Variants in WEE1 observed in about 807,000 individuals in gnomAD.
WEE1 encodes the protein wee1-like protein kinase.
In WEE1, 16 loss-of-function variants were observed where a neutral mutation model predicts 68.8. The ratio of observed to expected loss-of-function variants is 0.23; its 90% CI spans 0.16 to 0.35. The LOEUF (loss-of-function observed/expected upper bound fraction) is 0.35, where lower values mean the gene tolerates loss of function less well. WEE1 is among the 10% of genes least tolerant of loss of function. WEE1 has a pLI of 1.00. For synonymous variants in WEE1, 349 were observed against 318.7 expected (o/e 1.09, Z -1.01); for missense variants, 651 against 824.1 (o/e 0.79, Z 2.57).
chr11:9,585,581 TAGA>T, intron 8 of WEE1, 54 bp downstream of exon 8: 1 of 1,330,582 alleles, frequency 7.5e-7, no homozygotes. Flanking sequence ...TAGCAGTTGA[TAGA>T]AGAATATAAA....
rs753859170 is a variant in WEE1, at chr11:9,576,032, G to T, written c.721G>T (p.Asp241Tyr). 4.3e-6 allele frequency: 7 copies of T among 1,614,052 alleles called. No individual in the cohort carries two copies. The highest frequency in any genetic ancestry group is 1.7e-5 in the Admixed American group (1 of 59,998). The stretch of plus-strand genomic sequence containing the variant: ...AGTGAATATTAATCCTTTTACTCCG[G>T]ATTCTTTGTTGCTTCATTCCTCAGG... The part of the protein sequence containing the change: ...PQVNINPFTP[D>Y]SLLLHSSGQC... Residue 241 changes from aspartate to tyrosine, a missense_variant, in exon 2 of 11, where the codon GAT becomes TAT. By Grantham distance (160) the Asp-to-Tyr change is radical (BLOSUM62 -3). Transcript: ENST00000450114. The surrounding 1 kb of genome is among the most constrained non-coding windows in gnomAD (Gnocchi z 4.3).
In WEE1 at chr11:9,576,062, TGTC is replaced by T; in HGVS notation, c.757_759del (p.Arg254del). The T allele has an allele frequency of 6.2e-7, 1 of 1,614,198 alleles. No individual in the cohort carries two copies. Among genetic ancestry groups the T allele is most frequent in the Non-Finnish European group, 8.5e-7 (1 of 1,180,026 alleles). On this transcript the variant is annotated inframe_deletion, in exon 2 of 11. Transcript: ENST00000450114. The surrounding 1 kb of genome is among the most constrained non-coding windows in gnomAD (Gnocchi z 4.3). Reference sequence around the variant, plus strand: ...TTTGTTGCTTCATTCCTCAGGACAGTGTCGTCGTAGAAAGAGAACGTATTGGAA... The same window carrying T: ...TTTGTTGCTTCATTCCTCAGGACAGTGTCGTAGAAAGAGAACGTATTGGAA...
chr11:9,578,879 T>TTGTTTTTA (rs1554975016), intron 5 of WEE1: 1 of 142,168 alleles, frequency 7.0e-6, no homozygotes, highest in South Asian at 2.2e-4. Context: ...GAAAATAAGT[T>TTGTTTTTA]TTTATTTATT....
Position 9,588,557 on chromosome 11 carries a change from TATTGGA to T in WEE1, c.1898_1903del (p.Ile633_Gly634del). ...CCCAGAGTAATAGAACATCTCGACTTATTGGAAAGAAAATGAACCGCTCTGTCAGCC... is the reference window on the plus strand; with the variant it reads ...CCCAGAGTAATAGAACATCTCGACTTAAGAAAATGAACCGCTCTGTCAGCC... On this transcript the variant is annotated inframe_deletion, in exon 11 of 11. Coordinates refer to ENST00000450114, the MANE Select transcript of WEE1 (RefSeq NM_003390.4). 1 of 1,610,642 alleles carries T rather than the reference TATTGGA, an allele frequency of 6.2e-7. No homozygotes were observed. Among genetic ancestry groups the T allele is most frequent in the Non-Finnish European group, 8.5e-7 (1 of 1,179,206 alleles).
rs1849530186 is a variant in WEE1, at chr11:9,573,751, C to T, written c.-183C>T. 3.5e-6 allele frequency: 1 copy of T among 289,648 alleles called. No homozygotes were observed. The highest frequency in any genetic ancestry group is 5.6e-6 in the Non-Finnish European group (1 of 179,484). 17.9% of individuals were successfully genotyped at this position (289,648 alleles called of 1,614,324 possible). ...CCCGCCTCTGCCGGAAAGTCCGCGC[C>T]GCCGCTGCCGCCACCGTCCGCAGCC... is the stretch of plus-strand genomic sequence containing the variant. On this transcript the variant is annotated 5_prime_UTR_variant, in exon 1 of 11. Transcript: ENST00000450114.
At position 9,589,790 on chromosome 11, in the gene WEE1, ATAT is replaced by A. The variant is rs1416321048; in HGVS notation, c.*1190_*1192del. 9.6e-6 allele frequency: 8 copies of A among 830,844 alleles called. No individual in the cohort carries two copies. The highest frequency in any genetic ancestry group is 1.2e-5 in the Non-Finnish European group (8 of 688,902). The allele number at this position is 830,844 out of a possible 1,614,324, so 51.5% of individuals were successfully genotyped here. On this transcript the variant is annotated 3_prime_UTR_variant, in exon 11 of 11. Coordinates refer to ENST00000450114, the MANE Select transcript of WEE1 (RefSeq NM_003390.4). The stretch of plus-strand genomic sequence containing the variant: ...AAATCCTTGTGATGCCTGTTTTCTA[ATAT>A]TTTATCTCTATTATTGCTATACTAT...
Position 9,574,894 on chromosome 11 carries a change from A to G in WEE1, c.576+385A>G. On this transcript the variant is annotated intron_variant, in intron 1 of 10. Transcript: ENST00000450114. The surrounding 1 kb of genome is among the most constrained non-coding windows in gnomAD (Gnocchi z 4.9). Reference sequence around the variant, plus strand: ...ACTCCCGAGCCATAGGATGCCTTTTAAACGCGGCGATCGGGCCTGTAATTT... The same window carrying G: ...ACTCCCGAGCCATAGGATGCCTTTTGAACGCGGCGATCGGGCCTGTAATTT... The G allele has an allele frequency of 4.1e-6, 4 of 986,728 alleles. No homozygotes were observed. The highest frequency in any genetic ancestry group is 4.8e-6 in the Non-Finnish European group (4 of 830,854). 61.1% of individuals were successfully genotyped at this position (986,728 alleles called of 1,614,324 possible).
At chr11:9,579,379 G>A (rs972540772) in intron 5 of WEE1, 1 of 152,050 alleles carries the variant, frequency 6.6e-6, no homozygotes, top group East Asian at 1.9e-4. Context: ...CAGTTTCACT[G>A]GAAAAGGATT....
rs1849629577 is a variant in WEE1 at position 9,581,686 on chromosome 11, T to C, written c.1288+8T>C. ...ACATGGATATAAAACCTAGTAAGTA[T>C]TGCAGATCTTCTGACCTGTGTTCTT... On this transcript the variant is annotated splice_region_variant and intron_variant, in intron 6 of 10. Transcript: ENST00000450114. 6.2e-7 allele frequency: 1 copy of C among 1,607,934 alleles called. No individual in the cohort carries two copies. Among genetic ancestry groups the C allele is most frequent in the Non-Finnish European group, 8.5e-7 (1 of 1,178,544 alleles).
chr11:9,586,987 A>T, intron 10 of WEE1, 131 bp downstream of exon 10: 1 of 1,028,516 alleles, frequency 9.7e-7, no homozygotes, highest in Non-Finnish European at 1.4e-6. Context: ...TTTTTGAGAC[A>T]GGGTCTCACT....
intron 8 of WEE1, 73 bp downstream of exon 8, chr11:9,585,600 A>C: frequency 1.6e-6 from 2 of 1,244,690 alleles, no homozygotes; most frequent in Non-Finnish European, 2.2e-6. Context: ...ATAAATTCAG[A>C]TATATTAAAC....
At chr11:9,583,262 G>A (rs758306105) in intron 6 of WEE1, among the ~76,000 whole-genome samples, 2 of 151,484 alleles carry the variant, frequency 1.3e-5, no homozygotes, top group Admixed American at 6.6e-5. Flanking sequence ...GCAGTGAGCC[G>A]AGATTGCACC....
At position 9,583,782 on chromosome 11, in the gene WEE1, CACACACACACACACACACACATATAT is replaced by C. The variant is rs1849661746; in HGVS notation, c.1289-1474_1289-1449del. On this transcript the variant is annotated intron_variant, in intron 6 of 10. Coordinates refer to ENST00000450114, the MANE Select transcript of WEE1 (RefSeq NM_003390.4). ...GCGCGCACACACACACACACACACA[CACACACACACACACACACACATATAT>C]ATATATATATATATATATATATATA... Among the ~76,000 whole-genome samples the C allele has an allele frequency of 1.6e-4, 5 of 31,900 alleles. No individual in the cohort carries two copies. The East Asian group carries it at 2.8e-3, about 18-fold the overall frequency. The allele number at this position is 31,900 out of a possible 152,430, so 20.9% of individuals were successfully genotyped here.
chr11:9,575,414 G>C lies in WEE1; in HGVS notation c.577-474G>C, dbSNP rs908389747. ...GTTTTCAATGTACTGTTTGTCATCAGCCTAGGCAATCTGTGTGCTTTCGAG... is the reference window on the plus strand; with the variant it reads ...GTTTTCAATGTACTGTTTGTCATCACCCTAGGCAATCTGTGTGCTTTCGAG... On this transcript the variant is annotated intron_variant, in intron 1 of 10. Transcript: ENST00000450114. The C allele has an allele frequency of 3.0e-6, 3 of 998,224 alleles. No homozygotes were observed. The African/African-American group carries it at 5.2e-5, about 17-fold the overall frequency. The allele number at this position is 998,224 out of a possible 1,614,324, so 61.8% of individuals were successfully genotyped here.
intron 6 of WEE1, among the ~76,000 whole-genome samples, chr11:9,583,802 C>CACACATAT (rs1295357946): frequency 1.7e-4 from 3 of 17,824 alleles, no homozygotes; most frequent in Non-Finnish European, 2.0e-4. Flanking sequence ...CACACACACA[C>CACACATAT]ATATATATAT....
intron 8 of WEE1, among the ~76,000 whole-genome samples, chr11:9,585,817 AT>A (rs1849693791): frequency 6.6e-6 from 1 of 152,202 alleles, no homozygotes. Context: ...TCATGTACCC[AT>A]TGACTCATAA....
intron 5 of WEE1, chr11:9,578,534 T>C (rs1488665964): frequency 2.6e-5 from 4 of 152,258 alleles, no homozygotes; most frequent in Non-Finnish European, 4.4e-5. Flanking sequence ...ATTATTCTAT[T>C]TCTTAACCTT....
chr11:9,577,414 A>T lies in WEE1; in HGVS notation c.1141+151A>T, dbSNP rs911123339. ...TAACATAAATTTCAAGTACAAGGTTAAAAACCTTGTCCTTTCTGAAGCACC... is the reference window on the plus strand; with the variant it reads ...TAACATAAATTTCAAGTACAAGGTTTAAAACCTTGTCCTTTCTGAAGCACC... On this transcript the variant is annotated intron_variant, in intron 5 of 10. Transcript: ENST00000450114. 15 of 964,740 alleles carry T rather than the reference A, an allele frequency of 1.6e-5. No homozygotes were observed. In the South Asian group the frequency reaches 2.3e-4, roughly 15 times the overall value. 59.8% of individuals were successfully genotyped at this position (964,740 alleles called of 1,614,324 possible). A position where few individuals can be genotyped will look rare whatever the true frequency, so the allele number is the denominator to read the frequency against.
rs762412100 is a variant in WEE1 at position 9,588,653 on chromosome 11, T to C, written c.*51T>C. The C allele has an allele frequency of 9.8e-6, 14 of 1,431,822 alleles. No individual in the cohort carries two copies. The highest frequency in any genetic ancestry group is 1.5e-5 in the African/African-American group (1 of 68,796). 88.7% of individuals were successfully genotyped at this position (1,431,822 alleles called of 1,614,324 possible). A position where few individuals can be genotyped will look rare whatever the true frequency, so the allele number is the denominator to read the frequency against. On this transcript the variant is annotated 3_prime_UTR_variant, in exon 11 of 11. Transcript: ENST00000450114. Reference sequence around the variant, plus strand: ...AACACTGTGACAAGAGGAAGCTAGGTTGAAATCACTGATAGAATCCAGTTT... The same window carrying C: ...AACACTGTGACAAGAGGAAGCTAGGCTGAAATCACTGATAGAATCCAGTTT...
Sources: allele counts gnomAD v4.1 joint callset (sites outside exome capture counted in the v4.1 genomes callset), GRCh38; gene constraint gnomAD v4.1.1; non-coding constraint Gnocchi (gnomAD v3.1); transcripts MANE v1.5; gene names NCBI Gene and HGNC (gene_info 2026-07-23, HGNC 2026-07-21).